PTPRT: variants seen among roughly 807,000 people sequenced by gnomAD.
The protein encoded by PTPRT is receptor-type tyrosine-protein phosphatase T.
In PTPRT, 56 loss-of-function variants were observed where a neutral mutation model predicts 176.8. The ratio of observed to expected loss-of-function variants is 0.32; its 90% CI spans 0.26 to 0.40. The LOEUF (loss-of-function observed/expected upper bound fraction) is 0.40, where lower values mean the gene tolerates loss of function less well. Among genes scored for constraint, PTPRT ranks in the 10% least tolerant of loss-of-function variants. The probability of loss-of-function intolerance (pLI) is 1.00; values close to 1 mark genes in which losing one functional copy is unlikely to be tolerated. For synonymous variants in PTPRT, 783 were observed against 739.0 expected (o/e 1.06, Z -0.96); for missense variants, 1,540 against 1,908.2 (o/e 0.81, Z 3.60).
chr20:42,050,197 C>T, the PTPRT span, among the ~76,000 whole-genome samples: 22,390 of 152,128 alleles, frequency 0.15, 4,361 homozygotes, highest in African/African-American at 0.45. Flanking sequence ...TCTCCCCTTT[C>T]GTGGTCTCCG....
intron 11 of PTPRT, among the ~76,000 whole-genome samples, chr20:42,331,265 C>T (rs2145435520): frequency 6.6e-6 from 1 of 152,250 alleles, no homozygotes; most frequent in South Asian, 2.1e-4. Context: ...GGATTCAGCT[C>T]CTAACTTGGC....
At chr20:43,086,051 T>C (rs2011595186) in intron 1 of PTPRT, among the ~76,000 whole-genome samples, 1 of 152,040 alleles carries the variant, frequency 6.6e-6, no homozygotes, top group African/African-American at 2.4e-5. Context: ...GTCCAGGAAT[T>C]ACACGATGGC....
chr20:42,922,123 A>G (rs1376733485), intron 1 of PTPRT, among the ~76,000 whole-genome samples: 2 of 152,016 alleles, frequency 1.3e-5, no homozygotes, highest in Admixed American at 6.6e-5. Context: ...TTTAGTAGAG[A>G]TGGGGTTTCG....
chr20:42,240,668 A>G (rs1173592339), intron 14 of PTPRT, among the ~76,000 whole-genome samples: 2 of 152,022 alleles, frequency 1.3e-5, no homozygotes, highest in Non-Finnish European at 1.5e-5. Context: ...CCATCCATCC[A>G]TGAACCTATC....
intron 13 of PTPRT, among the ~76,000 whole-genome samples, chr20:42,269,143 C>T (rs1047003922): frequency 1.3e-5 from 2 of 152,238 alleles, no homozygotes; most frequent in African/African-American, 4.8e-5. Flanking sequence ...TAGCTTTGTT[C>T]TCTGCCATAT....
intron 1 of PTPRT, among the ~76,000 whole-genome samples, chr20:43,134,803 A>T (rs887628500): frequency 6.6e-6 from 1 of 152,208 alleles, no homozygotes; most frequent in Non-Finnish European, 1.5e-5. Flanking sequence ...GTTGTCTGTG[A>T]TAATAGAATG....
chr20:42,195,085 A>G lies in PTPRT; in HGVS notation c.2491+4155T>C, dbSNP rs1274069106. 9.9e-5 allele frequency among the ~76,000 whole-genome samples: 15 copies of G among 152,284 alleles called. No homozygotes were observed. In the South Asian group the frequency reaches 2.9e-3, roughly 30 times the overall value. ...ACGAGTTACTGGGTGCAGCACACCA[A>G]CATGGTACATGTATACATATGTAAC... On this transcript the variant is annotated intron_variant, in intron 16 of 30. Transcript: ENST00000373187.
In PTPRT at chr20:42,485,684, AT is replaced by A. The variant is rs143728499; in HGVS notation, c.1154-13123del. Among the ~76,000 whole-genome samples, 689 of 152,094 alleles carry A rather than the reference AT, an allele frequency of 4.5e-3. 5 individuals are homozygous for A. The highest frequency in any genetic ancestry group is 0.016 in the African/African-American group (662 of 41,482). On this transcript the variant is annotated intron_variant, in intron 7 of 30. Transcript: ENST00000373187. ...GCTGCTCATAGCTGACAACTCCCCC[AT>A]CCCAGGACATTCTTGATCTTCCAAG...
At position 42,795,622 on chromosome 20, in the gene PTPRT, C is replaced by T. The variant is rs141133072; in HGVS notation, c.215-4156G>A. On this transcript the variant is annotated intron_variant, in intron 2 of 30. Transcript: ENST00000373187. Reference sequence around the variant, plus strand: ...GCAGACAGGTGGCCCCGCCAGCTCCCAGTGCCAGCACCTACTTGAAGGGAA... The same window carrying T: ...GCAGACAGGTGGCCCCGCCAGCTCCTAGTGCCAGCACCTACTTGAAGGGAA... Among the ~76,000 whole-genome samples, 217 of 152,352 alleles carry T rather than the reference C, an allele frequency of 1.4e-3. 2 individuals are homozygous for T. Among genetic ancestry groups the T allele is most frequent in the African/African-American group, 5.0e-3 (207 of 41,584 alleles).
At chr20:43,148,360 T>A (rs1600749012) in intron 1 of PTPRT, among the ~76,000 whole-genome samples, 1 of 152,114 alleles carries the variant, frequency 6.6e-6, no homozygotes, top group African/African-American at 2.4e-5. Flanking sequence ...TTCAACCCCA[T>A]CCCCAACTTT....
intron 7 of PTPRT, among the ~76,000 whole-genome samples, chr20:42,512,728 T>C (rs185911312): frequency 1.3e-5 from 2 of 152,336 alleles, no homozygotes; most frequent in African/African-American, 2.4e-5. Flanking sequence ...TACACTGTTC[T>C]GCATTTTATA....
chr20:42,857,066 T>C (rs905840086), intron 2 of PTPRT, among the ~76,000 whole-genome samples: 9 of 152,196 alleles, frequency 5.9e-5, no homozygotes, highest in Admixed American at 1.3e-4. Context: ...TTTTGAGAAA[T>C]TGCCAACTGT....
intron 2 of PTPRT, among the ~76,000 whole-genome samples, chr20:42,794,439 T>G (rs1443001505): frequency 1.3e-5 from 2 of 152,266 alleles, no homozygotes; most frequent in African/African-American, 4.8e-5. Context: ...TGAGTTTGGA[T>G]CTGCAGTTTA....
chr20:42,855,566 G>A (rs1600479648), intron 2 of PTPRT, among the ~76,000 whole-genome samples: 1 of 145,218 alleles, frequency 6.9e-6, no homozygotes, highest in East Asian at 1.9e-4. Flanking sequence ...CAAGTAGCTG[G>A]GATCACAGGA....
chr20:42,701,807 C>G (rs2146163896), intron 6 of PTPRT, among the ~76,000 whole-genome samples: 1 of 152,200 alleles, frequency 6.6e-6, no homozygotes, highest in African/African-American at 2.4e-5. Flanking sequence ...AGTCCTCACA[C>G]TAAGTAGCCT....
At chr20:42,082,134 C>A in intron 29 of PTPRT, 117 bp from the exon 30 acceptor site, 1 of 1,433,182 alleles carries the variant, frequency 7.0e-7, no homozygotes, top group South Asian at 1.3e-5. Context: ...CAAGGCAAGG[C>A]AATGGTGAAG....
At chr20:42,084,983 C>A in intron 28 of PTPRT, 138 bp from the exon 29 acceptor site, 1 of 619,490 alleles carries the variant, frequency 1.6e-6, no homozygotes, top group Non-Finnish European at 2.4e-6. Flanking sequence ...CGGGGAGAGT[C>A]CCCATGACTA....
At chr20:42,922,667 T>A (rs761144115) in intron 1 of PTPRT, among the ~76,000 whole-genome samples, 31 of 152,330 alleles carry the variant, frequency 2.0e-4, no homozygotes, top group Non-Finnish European at 3.4e-4. Flanking sequence ...TGAGTAGAAT[T>A]CTATGTCCTA....
At chr20:42,736,827 G>A (rs1051403131) in intron 6 of PTPRT, among the ~76,000 whole-genome samples, 6 of 151,982 alleles carry the variant, frequency 3.9e-5, no homozygotes, top group African/African-American at 1.4e-4. Flanking sequence ...GATGGAAGGA[G>A]GGAAGGAAAG....
Sources: allele counts gnomAD v4.1 joint callset (sites outside exome capture counted in the v4.1 genomes callset), GRCh38; gene constraint gnomAD v4.1.1; transcripts MANE v1.5; gene names NCBI Gene and HGNC (gene_info 2026-07-23, HGNC 2026-07-21).